Variants in MCTP2 observed in about 807,000 individuals in gnomAD.
MCTP2 encodes the protein multiple C2 and transmembrane domain containing 2, also known as multiple C2 and transmembrane domain-containing protein 2.
A neutral mutation model predicts 111.6 loss-of-function variants in MCTP2; 132 were observed. The observed-to-expected ratio is 1.18, with a 90% CI of 1.03 to 1.37. The LOEUF (loss-of-function observed/expected upper bound fraction) is 1.37, where lower values mean the gene tolerates loss of function less well. MCTP2 is among the 40% of genes most tolerant of loss of function. The probability of loss-of-function intolerance (pLI) is 0.00; values close to 1 mark genes in which losing one functional copy is unlikely to be tolerated. For missense variants in MCTP2, 1,183 were observed against 1,067.9 expected (o/e 1.11, Z -1.50); for synonymous variants, 395 against 387.7 (o/e 1.02, Z -0.22).
intron 19 of MCTP2, among the ~76,000 whole-genome samples, chr15:94,452,953 G>GT (rs538543927): frequency 4.2e-5 from 4 of 95,936 alleles, no homozygotes; most frequent in East Asian, 2.0e-4. Context: ...AAAAAACTTT[G>GT]TTTGTTTTGT....
chr15:94,400,821 TATC>T (rs2081546920), intron 16 of MCTP2, among the ~76,000 whole-genome samples: 1 of 152,110 alleles, frequency 6.6e-6, no homozygotes, highest in African/African-American at 2.4e-5. Context: ...AAAGACGTCT[TATC>T]ATCCTTTTGT....
rs2074702495 is a variant in MCTP2 at position 94,481,088 on chromosome 15, G to C, written c.*2054G>C. The C allele has an allele frequency of 6.6e-6, 1 of 152,188 alleles. No homozygotes were observed. The highest frequency in any genetic ancestry group is 1.9e-4 in the East Asian group (1 of 5,188). 9.4% of individuals were successfully genotyped at this position (152,188 alleles called of 1,614,324 possible). A position where few individuals can be genotyped will look rare whatever the true frequency, so the allele number is the denominator to read the frequency against. The stretch of plus-strand genomic sequence containing the variant: ...TCAAAAACTTTTAGGAAAGATTCCA[G>C]AATGCTTTTGATAAAATTTATCGAT... On this transcript the variant is annotated 3_prime_UTR_variant, in exon 23 of 23. Coordinates refer to ENST00000357742, the MANE Select transcript of MCTP2 (RefSeq NM_001385001.1).
At chr15:94,476,828 C>T in intron 22 of MCTP2, 35 bp downstream of exon 22, 1 of 1,266,116 alleles carries the variant, frequency 7.9e-7, no homozygotes, top group Non-Finnish European at 1.2e-6. Flanking sequence ...ACAGTGGCCC[C>T]AACCTGAAAT....
At chr15:94,272,433 G>A (rs1188291014) in intron 1 of MCTP2, among the ~76,000 whole-genome samples, 1 of 152,094 alleles carries the variant, frequency 6.6e-6, no homozygotes, top group Non-Finnish European at 1.5e-5. Flanking sequence ...CTGTGATCCA[G>A]CCTCTTCTGC....
At chr15:94,304,059 C>A (rs1419926929) in intron 2 of MCTP2, among the ~76,000 whole-genome samples, 5 of 152,194 alleles carry the variant, frequency 3.3e-5, no homozygotes. Flanking sequence ...GGTCATCTAG[C>A]TCAGAGGACT....
intron 1 of MCTP2, among the ~76,000 whole-genome samples, chr15:94,234,967 G>C (rs947053673): frequency 6.6e-6 from 1 of 152,142 alleles, no homozygotes; most frequent in African/African-American, 2.4e-5. Context: ...AAGCCCTGGT[G>C]GTGGTCGGGC....
At chr15:94,467,435 TG>T (rs1300191054) in intron 20 of MCTP2, among the ~76,000 whole-genome samples, 36 of 151,230 alleles carry the variant, frequency 2.4e-4, no homozygotes, top group Non-Finnish European at 7.3e-5. Flanking sequence ...TAATCAAATA[TG>T]ACCAATGGAA....
chr15:94,437,997 A>C (rs1434366613), intron 17 of MCTP2, among the ~76,000 whole-genome samples: 2 of 152,130 alleles, frequency 1.3e-5, no homozygotes, highest in African/African-American at 4.8e-5. Context: ...GATCATACAC[A>C]GTCATCTTTA....
At chr15:94,319,492 G>C (rs906984031) in intron 4 of MCTP2, among the ~76,000 whole-genome samples, 1 of 152,194 alleles carries the variant, frequency 6.6e-6, no homozygotes, top group African/African-American at 2.4e-5. Context: ...CTCTGATTCA[G>C]TGTGTCTGGG....
intron 1 of MCTP2, among the ~76,000 whole-genome samples, chr15:94,248,786 G>T (rs892646083): frequency 5.3e-5 from 8 of 152,202 alleles, no homozygotes; most frequent in Non-Finnish European, 1.0e-4. Flanking sequence ...AGGTGCAAGT[G>T]TCTTAATCAA....
At chr15:94,400,601 C>CT (rs34352208) in intron 16 of MCTP2, among the ~76,000 whole-genome samples, 1,865 of 136,496 alleles carry the variant, frequency 0.014, 36 homozygotes, top group African/African-American at 0.041. Flanking sequence ...GGAAGTTTCA[C>CT]TTTTTTTTTT....
intron 12 of MCTP2, among the ~76,000 whole-genome samples, chr15:94,375,106 C>T (rs2079692555): frequency 6.6e-6 from 1 of 152,036 alleles, no homozygotes; most frequent in Admixed American, 6.6e-5. Context: ...AGCTTTTACT[C>T]TTGATGGAAG....
intron 17 of MCTP2, among the ~76,000 whole-genome samples, chr15:94,414,143 T>C (rs2082272360): frequency 6.6e-6 from 1 of 152,242 alleles, no homozygotes; most frequent in South Asian, 2.1e-4. Flanking sequence ...ATAACTGTGA[T>C]GGTCTTGAGC....
At chr15:94,341,036 A>AG (rs775852649) in intron 7 of MCTP2, 112 bp downstream of exon 7, 60 of 707,646 alleles carry the variant, frequency 8.5e-5, no homozygotes, top group Middle Eastern at 2.3e-4. Flanking sequence ...CAATTATTTT[A>AG]GGGGGGGTGC....
At chr15:94,266,088 A>ACC (rs1555443473) in intron 1 of MCTP2, among the ~76,000 whole-genome samples, 1 of 151,268 alleles carries the variant, frequency 6.6e-6, no homozygotes, top group Non-Finnish European at 1.5e-5. Flanking sequence ...GCGCACACAC[A>ACC]CACACACGTG....
intron 17 of MCTP2, among the ~76,000 whole-genome samples, chr15:94,410,146 A>T (rs2082090918): frequency 6.6e-6 from 1 of 152,216 alleles, no homozygotes; most frequent in African/African-American, 2.4e-5. Flanking sequence ...CTGCTATCTG[A>T]TATAACTATT....
intron 17 of MCTP2, among the ~76,000 whole-genome samples, chr15:94,422,985 G>A (rs914388162): frequency 2.6e-5 from 4 of 152,104 alleles, no homozygotes; most frequent in East Asian, 1.9e-4. Context: ...CTTGAGCCAC[G>A]ACACCTAGGC....
At chr15:94,472,454 TCCCTCTTTCTC>T (rs1376024753) in intron 21 of MCTP2, among the ~76,000 whole-genome samples, 1 of 152,190 alleles carries the variant, frequency 6.6e-6, no homozygotes, top group African/African-American at 2.4e-5. Context: ...GAGATTCCAA[TCCCTCTTTCTC>T]TATATCCAAA....
intron 20 of MCTP2, among the ~76,000 whole-genome samples, chr15:94,467,604 C>A (rs977347503): frequency 6.6e-6 from 1 of 151,544 alleles, no homozygotes; most frequent in African/African-American, 2.4e-5. Context: ...GAGTATAAAT[C>A]TAATTAATTT....
Sources: gnomAD v4.1 joint callset for allele counts (sites outside exome capture counted in the v4.1 genomes callset) on GRCh38, gnomAD v4.1.1 for gene constraint, MANE v1.5 for transcripts, NCBI Gene and HGNC (gene_info 2026-07-23, HGNC 2026-07-21) for gene names.